MYO5B: variants seen among roughly 807,000 people sequenced by gnomAD.
MYO5B encodes the protein unconventional myosin-Vb.
A neutral mutation model predicts 229.3 loss-of-function variants in MYO5B; 143 were observed. That is an observed-to-expected ratio of 0.62 (90% CI 0.54 to 0.72). The LOEUF (loss-of-function observed/expected upper bound fraction) is 0.72, where lower values mean the gene tolerates loss of function less well. Among genes scored for constraint, MYO5B ranks in the 30% least tolerant of loss-of-function variants. The probability of loss-of-function intolerance (pLI) is 0.00; values close to 1 mark genes in which losing one functional copy is unlikely to be tolerated. For synonymous variants in MYO5B, 918 were observed against 885.2 expected, an observed-to-expected ratio of 1.04 and a Z score of -0.66; for missense variants, 2,321 against 2,331.0, an observed-to-expected ratio of 1.00 and a Z score of 0.09.
chr18:49,911,592 G>A (rs2024958450), intron 18 of MYO5B, among the ~76,000 whole-genome samples: 1 of 152,188 alleles, frequency 6.6e-6, no homozygotes, highest in Non-Finnish European at 1.5e-5. Flanking sequence ...ATCCTCTAGT[G>A]GTGTTGACTC....
At chr18:50,060,214 T>C (rs772605464) in intron 1 of MYO5B, among the ~76,000 whole-genome samples, 28 of 152,216 alleles carry the variant, frequency 1.8e-4, no homozygotes, top group Non-Finnish European at 3.7e-4. Flanking sequence ...GTTCTGGTTG[T>C]AGAGATTGCA....
chr18:49,916,893 TC>T (rs2025022050), intron 17 of MYO5B, among the ~76,000 whole-genome samples: 1 of 152,160 alleles, frequency 6.6e-6, no homozygotes, highest in African/African-American at 2.4e-5. Context: ...AAGAGGAAAA[TC>T]TTCAAAGTGA....
chr18:49,988,901 C>T (rs781139422), intron 7 of MYO5B, among the ~76,000 whole-genome samples: 21 of 152,096 alleles, frequency 1.4e-4, no homozygotes, highest in Non-Finnish European at 2.6e-4. Flanking sequence ...CATCGTGTTC[C>T]GGGGAAAATC....
rs925774656 is a variant in MYO5B at position 49,864,202 on chromosome 18, A to G, written c.3782T>C (p.Val1261Ala). Residue 1261 changes from valine to alanine, a missense_variant, in exon 28 of 40, where the codon GTG becomes GCG. By Grantham distance (64) the Val-to-Ala change is moderately conservative. This residue lies in a region of MYO5B where 2,113 missense variants were observed against 2,044.7 expected (regional missense o/e 1.03). Coordinates refer to ENST00000285039, the MANE Select transcript of MYO5B (RefSeq NM_001080467.3). Reference protein sequence around the residue: ...HEELEVRKEEVLILRTQIVSA... With the variant: ...HEELEVRKEEALILRTQIVSA... Reference sequence around the variant, plus strand: ...CACGATCTGGGTCCTGAGGATGAGCACCTCCTCCTTGCGCACCTCGAGCTC... The same window carrying G: ...CACGATCTGGGTCCTGAGGATGAGCGCCTCCTCCTTGCGCACCTCGAGCTC... 8 of 1,613,458 alleles carry G rather than the reference A, an allele frequency of 5.0e-6. No individual in the cohort carries two copies. Among genetic ancestry groups the G allele is most frequent in the South Asian group, 2.2e-5 (2 of 91,084 alleles).
intron 39 of MYO5B, among the ~76,000 whole-genome samples, chr18:49,829,457 T>C (rs917410412): frequency 5.3e-5 from 8 of 152,118 alleles, no homozygotes; most frequent in Admixed American, 3.9e-4. Flanking sequence ...CATATTGAAT[T>C]AGTAATTAAA....
chr18:50,106,922 G>GCTCATTGA (rs1297858993), intron 1 of MYO5B, among the ~76,000 whole-genome samples: 1 of 152,112 alleles, frequency 6.6e-6, no homozygotes, highest in Non-Finnish European at 1.5e-5. Context: ...AGAAATAAAT[G>GCTCATTGA]CTCATTGACC....
intron 1 of MYO5B, among the ~76,000 whole-genome samples, chr18:50,065,671 T>C (rs1367220803): frequency 6.6e-6 from 1 of 152,068 alleles, no homozygotes; most frequent in East Asian, 1.9e-4. Flanking sequence ...AGCCAAACCA[T>C]ATCACAGGGC....
At chr18:49,996,798 A>C (rs187806343) in intron 5 of MYO5B, among the ~76,000 whole-genome samples, 1 of 152,366 alleles carries the variant, frequency 6.6e-6, no homozygotes, top group African/African-American at 2.4e-5. Context: ...GTGGGAAAGA[A>C]GAAGAGATTC....
intron 1 of MYO5B, among the ~76,000 whole-genome samples, chr18:50,088,329 T>G (rs980796082): frequency 4.6e-5 from 7 of 152,080 alleles, no homozygotes; most frequent in Non-Finnish European, 8.8e-5. Flanking sequence ...CTCAGGAAAC[T>G]CCACATGACA....
chr18:50,128,131 A>G (rs1396113972), intron 1 of MYO5B, among the ~76,000 whole-genome samples: 1 of 152,256 alleles, frequency 6.6e-6, no homozygotes, highest in South Asian at 2.1e-4. Context: ...GAGTAATTCC[A>G]TAATATATAA....
chr18:49,998,691 A>G (rs1265455604), intron 5 of MYO5B, among the ~76,000 whole-genome samples: 1 of 152,226 alleles, frequency 6.6e-6, no homozygotes, highest in Non-Finnish European at 1.5e-5. Flanking sequence ...CATGAAAAGG[A>G]GCAAAATATT....
chr18:50,191,413 G>A (rs547138239), intron 1 of MYO5B, among the ~76,000 whole-genome samples: 2 of 152,258 alleles, frequency 1.3e-5, no homozygotes, highest in East Asian at 3.9e-4. Flanking sequence ...TACTTTTTAA[G>A]TGTCTTATAT....
intron 1 of MYO5B, among the ~76,000 whole-genome samples, chr18:50,143,006 G>T (rs551635956): frequency 6.6e-6 from 1 of 152,180 alleles, no homozygotes; most frequent in Non-Finnish European, 1.5e-5. Flanking sequence ...GAACCAAAAC[G>T]CCATCACTTC....
At chr18:49,889,056 T>A (rs956183104) in intron 22 of MYO5B, among the ~76,000 whole-genome samples, 4 of 152,184 alleles carry the variant, frequency 2.6e-5, no homozygotes, top group African/African-American at 4.8e-5. Flanking sequence ...CCTGAAAGCT[T>A]ATCAAATGAA....
intron 4 of MYO5B, among the ~76,000 whole-genome samples, chr18:50,034,654 G>C (rs1006428205): frequency 2.0e-5 from 3 of 152,176 alleles, no homozygotes; most frequent in Non-Finnish European, 4.4e-5. Context: ...TGAGGCAGGA[G>C]AATCACTTGA....
chr18:50,008,513 A>C (rs1487970828), intron 4 of MYO5B, among the ~76,000 whole-genome samples: 1 of 152,206 alleles, frequency 6.6e-6, no homozygotes, highest in Non-Finnish European at 1.5e-5. Context: ...TCAGCCTTCC[A>C]TGATTCACCC....
intron 1 of MYO5B, among the ~76,000 whole-genome samples, chr18:50,135,678 T>C (rs1173731438): frequency 3.3e-5 from 5 of 152,182 alleles, no homozygotes; most frequent in Non-Finnish European, 7.3e-5. Flanking sequence ...TGAAGTGGGA[T>C]TGGTTAAAGA....
chr18:50,071,376 A>G (rs1022945758), intron 1 of MYO5B, among the ~76,000 whole-genome samples: 2 of 152,206 alleles, frequency 1.3e-5, no homozygotes, highest in Admixed American at 6.5e-5. Flanking sequence ...GGGTAGAGAC[A>G]AAATGTTCAT....
chr18:49,856,927 T>C (rs1221896335), intron 29 of MYO5B, 37 bp from the exon 30 acceptor site: 1 of 1,557,364 alleles, frequency 6.4e-7, no homozygotes, highest in African/African-American at 1.4e-5. Context: ...GTGTCCAGTG[T>C]AGACGGAAGA....
Sources: gnomAD v4.1 joint callset for allele counts (sites outside exome capture counted in the v4.1 genomes callset) on GRCh38, gnomAD v4.1.1 for gene constraint, gnomAD v4.1.1 regional missense constraint, MANE v1.5 for transcripts, NCBI Gene and HGNC (gene_info 2026-07-23, HGNC 2026-07-21) for gene names.